Variants in RPS6KA1 observed in about 807,000 individuals in gnomAD.
RPS6KA1 encodes ribosomal protein S6 kinase A1.
Under a neutral mutation model 91.3 loss-of-function variants are expected in RPS6KA1, and 48 were observed. The ratio of observed to expected loss-of-function variants is 0.53; its 90% confidence interval spans 0.42 to 0.67. The LOEUF is 0.67. Ranked by LOEUF, RPS6KA1 falls within the 30% of genes least tolerant of loss-of-function variation. The pLI is 0.00. For missense variants in RPS6KA1, 719 were observed against 960.5 expected (o/e 0.75, Z 3.32); for synonymous variants, 359 against 384.7 (o/e 0.93, Z 0.78).
intron 17 of RPS6KA1, among the ~76,000 whole-genome samples, chr1:26,564,207 G>A (rs183901824): frequency 6.6e-6 from 1 of 152,146 alleles, no homozygotes; most frequent in Non-Finnish European, 1.5e-5. Context: ...ATCCACGAGT[G>A]CACAGTGTCA....
At chr1:26,530,875 C>A (rs2075862554) in intron 1 of RPS6KA1, 1 of 1,280,126 alleles carries the variant, frequency 7.8e-7, no homozygotes, top group African/African-American at 1.5e-5. Flanking sequence ...AAAACTTCCT[C>A]CTTAACCTCT....
In RPS6KA1 at chr1:26,571,739, T is replaced by C. The variant is rs1334595572; in HGVS notation, c.1753-110T>C. Reference sequence around the variant, plus strand: ...TTGGCCCAGCTGGCAAGGGAAGATCTAGCCTGTGCCTGGGACCCTTGTCCT... The same window carrying C: ...TTGGCCCAGCTGGCAAGGGAAGATCCAGCCTGTGCCTGGGACCCTTGTCCT... On this transcript the variant is annotated intron_variant, in intron 18 of 21. Coordinates refer to ENST00000374168, the MANE Select transcript of RPS6KA1 (RefSeq NM_002953.4). This position sits in a 1 kb window ranked among gnomAD's most constrained non-coding sequence, Gnocchi z 5.1. 1 of 1,479,684 alleles carries C rather than the reference T, an allele frequency of 6.8e-7. No individual in the cohort carries two copies. Among genetic ancestry groups the C allele is most frequent in the Admixed American group, 2.0e-5 (1 of 50,722 alleles). The allele number at this position is 1,479,684 out of a possible 1,614,324, so 91.7% of individuals were successfully genotyped here. A position where few individuals can be genotyped will look rare whatever the true frequency, so the allele number is the denominator to read the frequency against.
In RPS6KA1 at chr1:26,555,266, C is replaced by T. The variant is rs1238458867; in HGVS notation, c.827+45C>T. On this transcript the variant is annotated intron_variant, in intron 10 of 21. Coordinates refer to ENST00000374168, the MANE Select transcript of RPS6KA1 (RefSeq NM_002953.4). The surrounding 1 kb of genome is among the most constrained non-coding windows in gnomAD (Gnocchi z 4.3). ...TGATAACAATGGACTCCTCCAAGCC[C>T]CAGCCCCAGTTTGGGGGTCAGAATA... The T allele has an allele frequency of 6.3e-7, 1 of 1,590,160 alleles. No homozygotes were observed. The highest frequency in any genetic ancestry group is 2.2e-5 in the East Asian group (1 of 44,762).
rs760263361 is a variant in RPS6KA1, at chr1:26,571,954, C to T, written c.1829+29C>T. ...AGTGCCCCTGGCCTGGACCCTTCCCCACTCCTGCAGCCCTAGCACTTGGGC... is the reference window on the plus strand; with the variant it reads ...AGTGCCCCTGGCCTGGACCCTTCCCTACTCCTGCAGCCCTAGCACTTGGGC... On this transcript the variant is annotated intron_variant, in intron 19 of 21. Coordinates refer to ENST00000374168, the MANE Select transcript of RPS6KA1 (RefSeq NM_002953.4). This position sits in a 1 kb window ranked among gnomAD's most constrained non-coding sequence, Gnocchi z 5.1. 4.4e-6 allele frequency: 7 copies of T among 1,597,988 alleles called. No homozygotes were observed. The highest frequency in any genetic ancestry group is 6.0e-6 in the Non-Finnish European group (7 of 1,169,170).
chr1:26,556,939 G>C, intron 12 of RPS6KA1, 59 bp from the exon 13 acceptor site: 1 of 1,357,514 alleles, frequency 7.4e-7, no homozygotes, highest in South Asian at 1.2e-5. Context: ...TCCTGCATGG[G>C]GCTCCTGGTG....
chr1:26,561,160 G>A lies in RPS6KA1; in HGVS notation c.1431+26G>A. 1 of 1,582,162 alleles carries A rather than the reference G, an allele frequency of 6.3e-7. No individual in the cohort carries two copies. Among genetic ancestry groups the A allele is most frequent in the Non-Finnish European group, 8.7e-7 (1 of 1,151,390 alleles). Reference sequence around the variant, plus strand: ...GTGAGTGGGGGTCCTTAAGACTGGGGTGGGGACCAGGAACTCAACTCTCAG... The same window carrying A: ...GTGAGTGGGGGTCCTTAAGACTGGGATGGGGACCAGGAACTCAACTCTCAG... On this transcript the variant is annotated intron_variant, in intron 16 of 21. Transcript: ENST00000374168. The surrounding 1 kb of genome is among the most constrained non-coding windows in gnomAD (Gnocchi z 5.7).
At chr1:26,556,189 C>T (rs538553065) in intron 11 of RPS6KA1, 1 of 203,562 alleles carries the variant, frequency 4.9e-6, no homozygotes, top group African/African-American at 2.3e-5. Context: ...GTGCTGGCTT[C>T]CCTGGCTCCT....
rs1570444793 is a variant in RPS6KA1 at position 26,555,749 on chromosome 1, C to T, written c.916+124C>T. The T allele has an allele frequency of 2.7e-5, 25 of 917,498 alleles. No homozygotes were observed. Among genetic ancestry groups the T allele is most frequent in the East Asian group, 1.1e-4 (4 of 37,918 alleles). The allele number at this position is 917,498 out of a possible 1,614,324, so 56.8% of individuals were successfully genotyped here. A position where few individuals can be genotyped will look rare whatever the true frequency, so the allele number is the denominator to read the frequency against. The stretch of plus-strand genomic sequence containing the variant: ...TGTCCTTTGTGTGGGCAGACAATGC[C>T]GCGGGCCACCCTGCTTTCTGGCTCC... On this transcript the variant is annotated intron_variant, in intron 11 of 21. Coordinates refer to ENST00000374168, the MANE Select transcript of RPS6KA1 (RefSeq NM_002953.4). The surrounding 1 kb of genome is among the most constrained non-coding windows in gnomAD (Gnocchi z 4.3).
At chr1:26,556,036 A>G in intron 11 of RPS6KA1, 1 of 238,290 alleles carries the variant, frequency 4.2e-6, no homozygotes, top group Non-Finnish European at 8.4e-6. Context: ...TTATGAACTA[A>G]GTGACCCCAG....
chr1:26,573,317 C>G lies in RPS6KA1; in HGVS notation c.2041C>G (p.Leu681Val). The change falls in exon 21 of 22, where the codon CTT becomes GTT. Residue 681 changes from leucine (L) to valine (V), a missense_variant. Leu to Val is a conservative substitution (Grantham distance 32). Transcript: ENST00000374168. ...QHPWVTQKDK[L>V]PQSQLSHQDL... ...TCCATGGGTCACCCAGAAAGACAAG[C>G]TTCCCCAAAGCCAGCTGTCCCACCA... 3.1e-6 allele frequency: 5 copies of G among 1,614,232 alleles called. No homozygotes were observed. The highest frequency in any genetic ancestry group is 4.2e-6 in the Non-Finnish European group (5 of 1,180,042).
rs2076276956 is a variant in RPS6KA1 at position 26,574,242 on chromosome 1, C to G, written c.*41C>G. Reference sequence around the variant, plus strand: ...GGGCCACAGGGCGGTGCTAGCTTGACACAGTCAGCATGCTTCCCAGAGGGA... The same window carrying G: ...GGGCCACAGGGCGGTGCTAGCTTGAGACAGTCAGCATGCTTCCCAGAGGGA... On this transcript the variant is annotated 3_prime_UTR_variant, in exon 22 of 22. Transcript: ENST00000374168. This position sits in a 1 kb window ranked among gnomAD's most constrained non-coding sequence, Gnocchi z 4.3. 1 of 1,612,092 alleles carries G rather than the reference C, an allele frequency of 6.2e-7. No individual in the cohort carries two copies. Among genetic ancestry groups the G allele is most frequent in the South Asian group, 1.1e-5 (1 of 91,024 alleles).
chr1:26,553,405 G>C lies in RPS6KA1; in HGVS notation c.483G>C (p.Glu161Asp). The C allele has an allele frequency of 1.2e-6, 2 of 1,611,942 alleles. No homozygotes were observed. Among genetic ancestry groups the C allele is most frequent in the Non-Finnish European group, 1.7e-6 (2 of 1,178,236 alleles). Residue 161 changes from glutamate to aspartate, a missense_variant, in exon 7 of 22, where the codon GAG (glutamate) becomes GAC (aspartate). Glu to Asp is a conservative substitution (Grantham distance 45). Coordinates refer to ENST00000374168, the MANE Select transcript of RPS6KA1 (RefSeq NM_002953.4). ...GTCTTTTGCAGGTGATGTTCACGGA[G>C]GAGGATGTGAAGTTTTACCTGGCTG... is the stretch of plus-strand genomic sequence containing the variant. ...TRLSKEVMFTEEDVKFYLAEL... is the reference protein window; with the variant it reads ...TRLSKEVMFTDEDVKFYLAEL...
At chr1:26,552,488 A>ATTT (rs550677346) in intron 6 of RPS6KA1, among the ~76,000 whole-genome samples, 3 of 119,946 alleles carry the variant, frequency 2.5e-5, no homozygotes, top group African/African-American at 6.4e-5. Context: ...TTTAATTGTA[A>ATTT]TTTTTTTTTT....
intron 17 of RPS6KA1, among the ~76,000 whole-genome samples, chr1:26,565,114 G>C (rs556100580): frequency 6.6e-6 from 1 of 152,320 alleles, no homozygotes; most frequent in African/African-American, 2.4e-5. Flanking sequence ...AGCTAGGAGT[G>C]TATGTGTCTC....
Position 26,538,287 on chromosome 1 carries a change from G to A in RPS6KA1, c.108+1318G>A, listed in dbSNP as rs551707560. 3.9e-5 allele frequency among the ~76,000 whole-genome samples: 6 copies of A among 152,292 alleles called. No homozygotes were observed. In the East Asian group the frequency reaches 9.6e-4, roughly 24 times the overall value. ...CCTAGTAACAAAATGAAGAACTGTA[G>A]GTTCCCAGTGAAGAAACACGGTGTT... On this transcript the variant is annotated intron_variant, in intron 2 of 21. Transcript: ENST00000374168.
chr1:26,570,874 G>A (rs1485048984), intron 17 of RPS6KA1, among the ~76,000 whole-genome samples: 45 of 152,238 alleles, frequency 3.0e-4, no homozygotes, highest in Non-Finnish European at 8.8e-5. Context: ...TGTAATCCCA[G>A]CACTTTGGGA....
intron 12 of RPS6KA1, 56 bp from the exon 13 acceptor site, chr1:26,556,942 T>C: frequency 7.3e-7 from 1 of 1,378,312 alleles, no homozygotes; most frequent in Non-Finnish European, 1.0e-6. Flanking sequence ...TGCATGGGGC[T>C]CCTGGTGGGC....
Position 26,561,058 on chromosome 1 carries a change from G to C in RPS6KA1, c.1355G>C (p.Ser452Thr). 1 of 1,613,920 alleles carries C rather than the reference G, an allele frequency of 6.2e-7. No homozygotes were observed. The highest frequency in any genetic ancestry group is 1.1e-5 in the South Asian group (1 of 91,064). Residue 452 changes from serine (S) to threonine (T), a missense_variant, in exon 16 of 22, where the codon AGC becomes ACC. By Grantham distance (58) the Ser-to-Thr change is moderately conservative (BLOSUM62 1). This residue lies in a region of RPS6KA1 where 26 missense variants were observed against 69.6 expected (regional missense o/e 0.37). Transcript: ENST00000374168. This position sits in a 1 kb window ranked among gnomAD's most constrained non-coding sequence, Gnocchi z 5.7. ...CCCTTTCTTCAGGTCATTGATAAGA[G>C]CAAGCGGGATCCTTCAGAAGAGATT... ...MEYAVKVIDK[S>T]KRDPSEEIEI...
intron 4 of RPS6KA1, among the ~76,000 whole-genome samples, chr1:26,550,949 C>T (rs1184814296): frequency 1.3e-5 from 2 of 152,068 alleles, no homozygotes; most frequent in African/African-American, 2.4e-5. Context: ...ACCAGGTAGC[C>T]GTTCTTACCA....
Sources: gnomAD v4.1 joint callset for allele counts (sites outside exome capture counted in the v4.1 genomes callset) on GRCh38, gnomAD v4.1.1 for gene constraint, gnomAD v4.1.1 regional missense constraint, Gnocchi (gnomAD v3.1) non-coding constraint, MANE v1.5 for transcripts, NCBI Gene and HGNC (gene_info 2026-07-23, HGNC 2026-07-21) for gene names.